The following RBPMS variants were observed in gnomAD, a reference collection of about 807,000 sequenced individuals.
RBPMS encodes the protein RNA binding protein, mRNA processing factor.
In RBPMS, 7 loss-of-function variants were observed where a neutral mutation model predicts 26.8. The ratio of observed to expected loss-of-function variants is 0.26; its 90% CI spans 0.15 to 0.49. The LOEUF is 0.49. Ranked by LOEUF, RBPMS falls within the 20% of genes least tolerant of loss-of-function variation. The pLI is 0.98. For synonymous variants in RBPMS, 96 were observed against 93.3 expected, an observed-to-expected ratio of 1.03 and a Z score of -0.17; for missense variants, 186 against 250.0, an observed-to-expected ratio of 0.74 and a Z score of 1.73.
chr8:30,561,208 T>G (rs1219824725), intron 7 of RBPMS, among the ~76,000 whole-genome samples: 2 of 152,226 alleles, frequency 1.3e-5, no homozygotes, highest in African/African-American at 4.8e-5. Flanking sequence ...GCTATAAGAC[T>G]ATATCTGAGA....
chr8:30,470,644 C>T (rs1166741912), intron 1 of RBPMS, among the ~76,000 whole-genome samples: 1 of 152,112 alleles, frequency 6.6e-6, no homozygotes, highest in African/African-American at 2.4e-5. Context: ...GAAAGAATAT[C>T]TCAGTGAGTG....
At chr8:30,483,819 A>G (rs1818518233) in intron 4 of RBPMS, among the ~76,000 whole-genome samples, 1 of 151,892 alleles carries the variant, frequency 6.6e-6, no homozygotes, top group Non-Finnish European at 1.5e-5. Context: ...TTTCTCCGTG[A>G]ATTTGCCTAT....
intron 5 of RBPMS, 124 bp from the exon 6 acceptor site, chr8:30,544,370 A>T: frequency 1.0e-6 from 1 of 953,546 alleles, no homozygotes; most frequent in Non-Finnish European, 1.6e-6. Context: ...ACAGGTTGTT[A>T]AAAGAATGAG....
chr8:30,519,608 T>C (rs1181567809), intron 5 of RBPMS, among the ~76,000 whole-genome samples: 4 of 151,720 alleles, frequency 2.6e-5, no homozygotes, highest in African/African-American at 9.7e-5. Context: ...CTCAGCCTCC[T>C]GAGTAACTGG....
intron 6 of RBPMS, among the ~76,000 whole-genome samples, chr8:30,554,355 A>T (rs371863230): frequency 5.3e-5 from 8 of 152,310 alleles, no homozygotes; most frequent in African/African-American, 1.9e-4. Flanking sequence ...ACAGGGATTC[A>T]CAGCTGTTCC....
chr8:30,480,888 T>C (rs1204525279), intron 4 of RBPMS, among the ~76,000 whole-genome samples: 1 of 152,248 alleles, frequency 6.6e-6, no homozygotes, highest in Admixed American at 6.5e-5. Flanking sequence ...TTTAAAGTTA[T>C]GTTAGATGAA....
intron 1 of RBPMS, among the ~76,000 whole-genome samples, chr8:30,454,969 C>A (rs535948134): frequency 6.6e-6 from 1 of 152,100 alleles, no homozygotes; most frequent in Non-Finnish European, 1.5e-5. Context: ...ATTACAGGCA[C>A]CCGCCATCAC....
intron 5 of RBPMS, among the ~76,000 whole-genome samples, chr8:30,528,837 G>C (rs779794193): frequency 6.6e-6 from 1 of 152,080 alleles, no homozygotes; most frequent in Non-Finnish European, 1.5e-5. Context: ...GTTTGTTTTA[G>C]CAGCGTTATT....
intron 5 of RBPMS, among the ~76,000 whole-genome samples, chr8:30,522,737 A>G (rs543476882): frequency 1.3e-5 from 2 of 152,348 alleles, no homozygotes; most frequent in South Asian, 4.1e-4. Context: ...AGCTCTTTGT[A>G]TATCAGTCAT....
Position 30,477,814 on chromosome 8 carries a change from C to T in RBPMS, c.160C>T (p.Leu54Phe). ...FRPFKGYEGS[L>F]IKLTSKQPVG... ...TTATTTTCAGGGCTATGAGGGTTCT[C>T]TTATAAAGCTCACATCTAAACAGGT... Residue 54 changes from leucine (L) to phenylalanine (F), a missense_variant, in exon 3 of 9, where the codon CTT (leucine) becomes TTT (phenylalanine). Around this residue, in one of 3 missense-constraint regions of RBPMS, gnomAD observed 50 missense variants for 108.5 expected, o/e 0.46. Transcript: ENST00000397323. 1 of 1,609,874 alleles carries T rather than the reference C, an allele frequency of 6.2e-7. No individual in the cohort carries two copies. The highest frequency in any genetic ancestry group is 8.5e-7 in the Non-Finnish European group (1 of 1,176,442).
At chr8:30,422,549 G>A (rs56411466) in intron 1 of RBPMS, among the ~76,000 whole-genome samples, 61,275 of 151,966 alleles carry the variant, frequency 0.4, 14,472 homozygotes, top group East Asian at 0.72. Context: ...GATTATAGGC[G>A]TTGAGCCACC....
chr8:30,483,282 A>G (rs922432199), intron 4 of RBPMS, among the ~76,000 whole-genome samples: 1 of 152,252 alleles, frequency 6.6e-6, no homozygotes, highest in East Asian at 1.9e-4. Flanking sequence ...TTCATTTGCT[A>G]TCCTTCCTTC....
intron 5 of RBPMS, among the ~76,000 whole-genome samples, chr8:30,533,523 G>T (rs1824461787): frequency 6.6e-6 from 1 of 152,186 alleles, no homozygotes; most frequent in African/African-American, 2.4e-5. Flanking sequence ...CTTTGCTCCT[G>T]TAGGTTTTTC....
intron 1 of RBPMS, among the ~76,000 whole-genome samples, chr8:30,428,041 T>TTTA (rs1811548475): frequency 6.7e-6 from 1 of 149,084 alleles, no homozygotes; most frequent in African/African-American, 2.5e-5. Flanking sequence ...TTTTTTTTTT[T>TTTA]TGAGATGGAG....
chr8:30,461,114 A>G (rs1252302144), intron 1 of RBPMS, among the ~76,000 whole-genome samples: 1 of 151,894 alleles, frequency 6.6e-6, no homozygotes, highest in East Asian at 1.9e-4. Context: ...GTAAAAATGC[A>G]TATGCACCCC....
At chr8:30,407,820 A>C (rs2150569421) in intron 1 of RBPMS, among the ~76,000 whole-genome samples, 1 of 111,542 alleles carries the variant, frequency 9.0e-6, no homozygotes, top group African/African-American at 3.5e-5. Flanking sequence ...CACAGCTAAT[A>C]AATAACAGCC....
intron 1 of RBPMS, among the ~76,000 whole-genome samples, chr8:30,435,864 G>A (rs1812400982): frequency 6.6e-6 from 1 of 152,156 alleles, no homozygotes; most frequent in Non-Finnish European, 1.5e-5. Context: ...AGAGTGCAGT[G>A]GTGTGATCAT....
chr8:30,411,630 A>G (rs1040491090), intron 1 of RBPMS, among the ~76,000 whole-genome samples: 40 of 141,656 alleles, frequency 2.8e-4, no homozygotes, highest in Non-Finnish European at 4.9e-4. Context: ...GCACCACTGC[A>G]CTCCAGCCTG....
chr8:30,457,057 T>TA (rs1815304875), intron 1 of RBPMS, among the ~76,000 whole-genome samples: 1 of 152,234 alleles, frequency 6.6e-6, no homozygotes, highest in Non-Finnish European at 1.5e-5. Flanking sequence ...TGCCTGCACA[T>TA]ATCTTTGCCT....
Sources: gnomAD v4.1 joint callset for allele counts (sites outside exome capture counted in the v4.1 genomes callset) on GRCh38, gnomAD v4.1.1 for gene constraint, gnomAD v4.1.1 regional missense constraint, MANE v1.5 for transcripts, NCBI Gene and HGNC (gene_info 2026-07-23, HGNC 2026-07-21) for gene names.